Variants in SKAP1 observed in about 807,000 individuals in gnomAD.
SKAP1 encodes src kinase associated phosphoprotein 1.
A neutral mutation model predicts 58.5 loss-of-function variants in SKAP1; 44 were observed. The observed-to-expected ratio is 0.75, with a 90% CI of 0.59 to 0.97. The LOEUF is 0.97. Ranked by LOEUF, SKAP1 falls within the 50% of genes least tolerant of loss-of-function variation. The probability of loss-of-function intolerance (pLI) is 0.00; values close to 1 mark genes in which losing one functional copy is unlikely to be tolerated. For synonymous variants in SKAP1, 127 were observed against 149.7 expected, an observed-to-expected ratio of 0.85 and a Z score of 1.11; for missense variants, 390 against 435.2, an observed-to-expected ratio of 0.90 and a Z score of 0.92.
intron 4 of SKAP1, among the ~76,000 whole-genome samples, chr17:48,275,518 G>A: frequency 6.6e-6 from 1 of 152,074 alleles, no homozygotes; most frequent in East Asian, 1.9e-4. Context: ...TTAATACAAG[G>A]GATCTTAAAT....
intron 1 of SKAP1, among the ~76,000 whole-genome samples, chr17:48,411,292 C>G (rs544685198): frequency 2.0e-4 from 31 of 151,716 alleles, no homozygotes; most frequent in African/African-American, 6.8e-4. Context: ...CCCAGATACT[C>G]GAGAGGCTGA....
intron 4 of SKAP1, among the ~76,000 whole-genome samples, chr17:48,312,344 T>C (rs189437206): frequency 3.9e-4 from 60 of 152,372 alleles, no homozygotes; most frequent in Admixed American, 5.2e-4. Context: ...TTAAGTAATT[T>C]GTTTTCTTGC....
chr17:48,292,205 TA>T (rs1273669420), intron 4 of SKAP1, among the ~76,000 whole-genome samples: 1 of 151,828 alleles, frequency 6.6e-6, no homozygotes, highest in Non-Finnish European at 1.5e-5. Context: ...TAAAACATTT[TA>T]AAATCAGCCC....
intron 2 of SKAP1, among the ~76,000 whole-genome samples, chr17:48,390,559 C>G (rs1225222609): frequency 2.6e-5 from 4 of 152,134 alleles, no homozygotes; most frequent in Admixed American, 2.6e-4. Context: ...GGCTAAAATT[C>G]TATCAGGAGT....
intron 2 of SKAP1, among the ~76,000 whole-genome samples, chr17:48,371,647 G>A (rs928070798): frequency 2.5e-5 from 2 of 80,058 alleles, no homozygotes; most frequent in African/African-American, 1.1e-4. Flanking sequence ...GTGAAACCTT[G>A]TCTCCACAAA....
intron 3 of SKAP1, among the ~76,000 whole-genome samples, chr17:48,350,320 T>C (rs2066783028): frequency 6.6e-6 from 1 of 152,236 alleles, no homozygotes; most frequent in African/African-American, 2.4e-5. Context: ...TCGTCTTTTA[T>C]TTCTCTTCAA....
intron 4 of SKAP1, among the ~76,000 whole-genome samples, chr17:48,251,063 C>A (rs1209543879): frequency 2.0e-5 from 3 of 152,180 alleles, no homozygotes; most frequent in Non-Finnish European, 4.4e-5. Flanking sequence ...CATCCGCTAC[C>A]CTGAAAGGAC....
Position 48,263,834 on chromosome 17 carries a change from T to G in SKAP1, c.281-74334A>C, listed in dbSNP as rs542390357. ...TGACCTCCATTGCTGCCCAGTCTGA[T>G]GGACAGTCGGACCATTAGTTCTTTT... On this transcript the variant is annotated intron_variant, in intron 4 of 12. Transcript: ENST00000336915. Among the ~76,000 whole-genome samples, 12 of 152,338 alleles carry G rather than the reference T, an allele frequency of 7.9e-5. No homozygotes were observed. In the East Asian group the frequency reaches 1.3e-3, roughly 17 times the overall value.
intron 4 of SKAP1, chr17:48,193,588 G>T: frequency 1.5e-6 from 1 of 645,926 alleles, no homozygotes; most frequent in Non-Finnish European, 1.9e-6. Flanking sequence ...AATCTCATTA[G>T]CTCCATGATC....
intron 4 of SKAP1, among the ~76,000 whole-genome samples, chr17:48,267,233 A>G (rs913689421): frequency 3.3e-5 from 5 of 152,242 alleles, no homozygotes; most frequent in African/African-American, 4.8e-5. Context: ...CATGAAGTAG[A>G]TATATAAGTT....
intron 4 of SKAP1, among the ~76,000 whole-genome samples, chr17:48,325,793 A>C (rs1363614836): frequency 6.6e-6 from 1 of 152,234 alleles, no homozygotes; most frequent in Non-Finnish European, 1.5e-5. Flanking sequence ...CCAAAGTACA[A>C]TCTAGAGAGA....
the SKAP1 span, among the ~76,000 whole-genome samples, chr17:48,435,277 T>C: frequency 6.6e-6 from 1 of 151,948 alleles, no homozygotes; most frequent in Non-Finnish European, 1.5e-5. Flanking sequence ...ACATTAGATA[T>C]CCCCGTTGGG....
chr17:48,257,135 T>C (rs2065432104), intron 4 of SKAP1, among the ~76,000 whole-genome samples: 2 of 152,102 alleles, frequency 1.3e-5, no homozygotes, highest in Non-Finnish European at 2.9e-5. Context: ...AAATTTTTTT[T>C]TTTTGTATTT....
intron 4 of SKAP1, chr17:48,249,058 A>C (rs568556304): frequency 1.3e-5 from 2 of 152,120 alleles, no homozygotes; most frequent in South Asian, 4.1e-4. Flanking sequence ...AACAAAAAAA[A>C]CCCATTTAAT....
At chr17:48,141,638 A>C (rs2063768836) in intron 11 of SKAP1, among the ~76,000 whole-genome samples, 1 of 152,038 alleles carries the variant, frequency 6.6e-6, no homozygotes, top group Non-Finnish European at 1.5e-5. Flanking sequence ...CGGTCTCCCA[A>C]AGTACTGGGA....
intron 12 of SKAP1, among the ~76,000 whole-genome samples, chr17:48,135,139 CA>C (rs1242726096): frequency 1.3e-5 from 2 of 152,166 alleles, no homozygotes; most frequent in Admixed American, 6.5e-5. Context: ...TGTACAAGGG[CA>C]TTGGAGAATA....
At chr17:48,386,807 T>G (rs1025764169) in intron 2 of SKAP1, among the ~76,000 whole-genome samples, 1 of 152,216 alleles carries the variant, frequency 6.6e-6, no homozygotes, top group Non-Finnish European at 1.5e-5. Flanking sequence ...CATACACTGC[T>G]TTCATGAACA....
At chr17:48,223,631 A>T (rs939556130) in intron 4 of SKAP1, among the ~76,000 whole-genome samples, 15 of 152,244 alleles carry the variant, frequency 9.9e-5, no homozygotes, top group African/African-American at 3.6e-4. Context: ...AAATGCCTGC[A>T]AATTTCCATC....
chr17:48,387,102 A>G (rs117812149), intron 2 of SKAP1, among the ~76,000 whole-genome samples: 15 of 152,320 alleles, frequency 9.8e-5, no homozygotes, highest in Non-Finnish European at 1.9e-4. Flanking sequence ...CTCAAAAATG[A>G]TTGGTTTTTC....
Sources: allele counts gnomAD v4.1 joint callset (sites outside exome capture counted in the v4.1 genomes callset), GRCh38; gene constraint gnomAD v4.1.1; transcripts MANE v1.5; gene names NCBI Gene and HGNC (gene_info 2026-07-23, HGNC 2026-07-21).